Variants in RNF150 observed in about 807,000 individuals in gnomAD.
RNF150 encodes the protein ring finger protein 150.
In RNF150, 24 loss-of-function variants were observed where a neutral mutation model predicts 39.3. That is an observed-to-expected ratio of 0.61 (90% CI 0.44 to 0.86). The LOEUF is 0.86. RNF150 is among the 40% of genes least tolerant of loss of function. The pLI is 0.00. For missense variants in RNF150, 502 were observed against 587.8 expected, an observed-to-expected ratio of 0.85 and a Z score of 1.51; for synonymous variants, 255 against 227.3, an observed-to-expected ratio of 1.12 and a Z score of -1.10.
intron 1 of RNF150, among the ~76,000 whole-genome samples, chr4:141,044,378 C>G (rs1004672146): frequency 6.6e-6 from 1 of 152,098 alleles, no homozygotes; most frequent in African/African-American, 2.4e-5. Context: ...TTCAAATTCT[C>G]AAAATGGTAA....
rs182639287 is a variant in RNF150, at chr4:140,905,596, C to A, written c.1198+5548G>T. Among the ~76,000 whole-genome samples the A allele has an allele frequency of 2.2e-3, 336 of 152,228 alleles. 3 individuals carry two copies. The highest frequency in any genetic ancestry group is 7.5e-3 in the African/African-American group (312 of 41,536). ...GTAAAGAAATTGTCAATGAACAGAG[C>A]GATGTCATGCTGAATCCTGCTCCTC... On this transcript the variant is annotated intron_variant, in intron 6 of 6. Coordinates refer to ENST00000515673, the MANE Select transcript of RNF150 (RefSeq NM_020724.2).
intron 1 of RNF150, among the ~76,000 whole-genome samples, chr4:141,163,391 A>C (rs937646268): frequency 1.3e-5 from 2 of 152,162 alleles, no homozygotes; most frequent in East Asian, 3.9e-4. Context: ...GCAGACTTAA[A>C]CTTTCCCACC....
chr4:141,194,140 C>T (rs1728159416), intron 1 of RNF150, among the ~76,000 whole-genome samples: 2 of 152,122 alleles, frequency 1.3e-5, no homozygotes, highest in Non-Finnish European at 2.9e-5. Flanking sequence ...CTGGAATCAT[C>T]GATGGAAAAA....
At chr4:141,103,108 T>C (rs1018393269) in intron 1 of RNF150, among the ~76,000 whole-genome samples, 1 of 152,182 alleles carries the variant, frequency 6.6e-6, no homozygotes, top group African/African-American at 2.4e-5. Flanking sequence ...CCATCAGTTG[T>C]ACTCATATTG....
Position 141,066,241 on chromosome 4 carries a change from G to GA in RNF150, c.484+66083dup, listed in dbSNP as rs34239483. ...GCTATCATTTGTTCAGTATATGTGC[G>GA]AAAAAAAAAAAACCATTCCTCAGTA... On this transcript the variant is annotated intron_variant, in intron 1 of 6. Transcript: ENST00000515673. Among the ~76,000 whole-genome samples, 281 of 146,400 alleles carry GA rather than the reference G, an allele frequency of 1.9e-3. 3 individuals carry two copies. In the East Asian group the frequency reaches 0.021, roughly 11 times the overall value.
intron 1 of RNF150, among the ~76,000 whole-genome samples, chr4:140,990,825 A>G (rs762289506): frequency 1.3e-4 from 20 of 152,196 alleles, no homozygotes; most frequent in Non-Finnish European, 2.2e-4. Flanking sequence ...TAATAGCATG[A>G]TTTATATTCC....
intron 1 of RNF150, among the ~76,000 whole-genome samples, chr4:141,059,901 T>C (rs1737143808): frequency 6.6e-6 from 1 of 152,154 alleles, no homozygotes; most frequent in African/African-American, 2.4e-5. Context: ...ACCTAGTTTA[T>C]ATACTATAAA....
At chr4:141,055,124 G>A (rs1578676349) in intron 1 of RNF150, among the ~76,000 whole-genome samples, 1 of 152,058 alleles carries the variant, frequency 6.6e-6, no homozygotes, top group African/African-American at 2.4e-5. Flanking sequence ...GAAAGGTTTG[G>A]GAATAATCAC....
chr4:140,925,928 C>T, intron 5 of RNF150, 49 bp downstream of exon 5: 1 of 1,310,578 alleles, frequency 7.6e-7, no homozygotes, highest in South Asian at 1.2e-5. Context: ...GCTTTGAGGG[C>T]AACGCAGAAA....
At chr4:140,951,925 A>T (rs1226097084) in intron 2 of RNF150, among the ~76,000 whole-genome samples, 1 of 151,970 alleles carries the variant, frequency 6.6e-6, no homozygotes, top group Non-Finnish European at 1.5e-5. Flanking sequence ...TCACTTAAAA[A>T]AATTTTTTTT....
chr4:141,124,983 T>C (rs1459818386), intron 1 of RNF150, among the ~76,000 whole-genome samples: 1 of 152,198 alleles, frequency 6.6e-6, no homozygotes, highest in East Asian at 1.9e-4. Flanking sequence ...GACACTTACT[T>C]TTAGTGAAAA....
chr4:141,017,198 C>G (rs541709602), intron 1 of RNF150, among the ~76,000 whole-genome samples: 1 of 152,102 alleles, frequency 6.6e-6, no homozygotes, highest in Non-Finnish European at 1.5e-5. Context: ...AAATACCTCA[C>G]GTGGAATTTG....
intron 5 of RNF150, among the ~76,000 whole-genome samples, chr4:140,915,424 T>A (rs541581022): frequency 6.6e-6 from 1 of 152,256 alleles, no homozygotes; most frequent in South Asian, 2.1e-4. Flanking sequence ...TACCCAACGG[T>A]AGAAGGATGA....
At chr4:141,091,012 C>T (rs1048879073) in intron 1 of RNF150, among the ~76,000 whole-genome samples, 5 of 152,132 alleles carry the variant, frequency 3.3e-5, no homozygotes, top group African/African-American at 4.8e-5. Flanking sequence ...CTTGGTGAGT[C>T]CACACCTGGA....
At chr4:140,915,032 G>A (rs570445361) in intron 5 of RNF150, among the ~76,000 whole-genome samples, 14 of 152,302 alleles carry the variant, frequency 9.2e-5, no homozygotes, top group African/African-American at 3.4e-4. Flanking sequence ...CAAGTTGTTT[G>A]CGAGTTGATA....
chr4:140,951,676 C>A (rs934699154), intron 2 of RNF150, among the ~76,000 whole-genome samples: 1 of 151,784 alleles, frequency 6.6e-6, no homozygotes, highest in Non-Finnish European at 1.5e-5. Flanking sequence ...GCTTGGCAAA[C>A]CCAGCCAGTA....
intron 1 of RNF150, among the ~76,000 whole-genome samples, chr4:141,079,146 A>G (rs984349325): frequency 1.3e-5 from 2 of 152,098 alleles, no homozygotes; most frequent in Admixed American, 6.6e-5. Flanking sequence ...GAAAAAAGTG[A>G]TAAGGAGTAT....
chr4:141,062,437 T>C (rs190521027), intron 1 of RNF150, among the ~76,000 whole-genome samples: 22 of 152,218 alleles, frequency 1.4e-4, no homozygotes, highest in Non-Finnish European at 3.1e-4. Flanking sequence ...TCTACATGCA[T>C]ATAAAGCATC....
chr4:140,974,408 A>T (rs1733586675), intron 1 of RNF150, among the ~76,000 whole-genome samples: 1 of 152,212 alleles, frequency 6.6e-6, no homozygotes, highest in African/African-American at 2.4e-5. Flanking sequence ...ATTATTCGCC[A>T]ATTGATGGAC....
Sources: gnomAD v4.1 joint callset for allele counts (sites outside exome capture counted in the v4.1 genomes callset) on GRCh38, gnomAD v4.1.1 for gene constraint, MANE v1.5 for transcripts, NCBI Gene and HGNC (gene_info 2026-07-23, HGNC 2026-07-21) for gene names.